LGR6: variants seen among roughly 807,000 people sequenced by gnomAD.
LGR6 encodes leucine-rich repeat-containing G protein-coupled receptor 6.
LGR6 carries 45 observed loss-of-function variants against 69.4 expected under a neutral mutation model. The observed-to-expected ratio is 0.65, with a 90% CI of 0.51 to 0.83. The LOEUF is 0.83. LGR6 is among the 40% of genes least tolerant of loss of function. The probability of loss-of-function intolerance (pLI) is 0.00; values close to 1 mark genes in which losing one functional copy is unlikely to be tolerated. For synonymous variants in LGR6, 538 were observed against 555.0 expected (o/e 0.97, Z 0.43); for missense variants, 1,108 against 1,246.7 (o/e 0.89, Z 1.68).
chr1:202,253,162 C>T (rs962806850), intron 4 of LGR6, among the ~76,000 whole-genome samples: 10 of 152,168 alleles, frequency 6.6e-5, no homozygotes, highest in African/African-American at 2.4e-4. Flanking sequence ...ACCAAATTGT[C>T]TGAACATTCT....
At chr1:202,308,934 T>C in intron 14 of LGR6, 117 bp from the exon 15 acceptor site, 2 of 1,263,900 alleles carry the variant, frequency 1.6e-6, no homozygotes, top group South Asian at 1.4e-5. Flanking sequence ...TTCTCTCCTG[T>C]CCTTTGCTCC....
intron 1 of LGR6, among the ~76,000 whole-genome samples, chr1:202,217,873 C>T (rs1221284604): frequency 6.6e-6 from 1 of 152,194 alleles, no homozygotes; most frequent in Non-Finnish European, 1.5e-5. Context: ...TGTGCAAAGC[C>T]AGAGAGAACA....
chr1:202,292,512 G>C (rs889735274), intron 6 of LGR6, among the ~76,000 whole-genome samples: 1 of 152,220 alleles, frequency 6.6e-6, no homozygotes, highest in African/African-American at 2.4e-5. Context: ...TTGGGAGCTT[G>C]CCACCTCCAG....
chr1:202,293,035 A>AT (rs1281422741), intron 6 of LGR6, among the ~76,000 whole-genome samples: 13 of 152,328 alleles, frequency 8.5e-5, no homozygotes, highest in Admixed American at 5.2e-4. Flanking sequence ...AATGGGTATA[A>AT]TAGCAGTAAC....
chr1:202,235,292 G>T (rs1661446803), intron 3 of LGR6, among the ~76,000 whole-genome samples: 1 of 152,188 alleles, frequency 6.6e-6, no homozygotes, highest in East Asian at 1.9e-4. Flanking sequence ...TTAGGTCCTG[G>T]TCCCCAGAGG....
At chr1:202,247,128 G>A (rs1303007955) in intron 4 of LGR6, among the ~76,000 whole-genome samples, 3 of 152,154 alleles carry the variant, frequency 2.0e-5, no homozygotes, top group Non-Finnish European at 4.4e-5. Context: ...TTCAGGGCTG[G>A]GGCCCAAGAA....
In LGR6 at chr1:202,193,981, A is replaced by G. The variant is rs1571796969; in HGVS notation, c.-9A>G. The G allele has an allele frequency of 2.9e-6, 4 of 1,361,814 alleles. No homozygotes were observed. In the African/African-American group the frequency reaches 4.6e-5, roughly 16 times the overall value. 84.4% of individuals were successfully genotyped at this position (1,361,814 alleles called of 1,614,324 possible). On this transcript the variant is annotated 5_prime_UTR_variant, in exon 1 of 18. Coordinates refer to ENST00000367278, the MANE Select transcript of LGR6 (RefSeq NM_001017403.2). ...GGCCGCCAGGTGCCCCAGTAGCCCG[A>G]CCGCCGAGATGCCCAGCCCGCCGGG...
chr1:202,252,869 A>C (rs1663386653), intron 4 of LGR6, among the ~76,000 whole-genome samples: 2 of 152,342 alleles, frequency 1.3e-5, no homozygotes, highest in African/African-American at 4.8e-5. Flanking sequence ...CAGAGGGAAG[A>C]AGGAAAGTAA....
chr1:202,225,724 C>A (rs1274297892), intron 2 of LGR6, among the ~76,000 whole-genome samples: 2 of 152,112 alleles, frequency 1.3e-5, no homozygotes, highest in African/African-American at 2.4e-5. Context: ...TCTTTGAAAC[C>A]AGCTCCTCTT....
intron 4 of LGR6, among the ~76,000 whole-genome samples, chr1:202,244,892 G>A (rs920998898): frequency 4.6e-5 from 7 of 152,214 alleles, no homozygotes; most frequent in African/African-American, 9.6e-5. Context: ...GTCACGAGCC[G>A]GCTGTGCCCA....
intron 17 of LGR6, 48 bp from the exon 18 acceptor site, chr1:202,317,904 G>A (rs1439121951): frequency 6.6e-7 from 1 of 1,525,138 alleles, no homozygotes; most frequent in East Asian, 2.3e-5. Flanking sequence ...CTGAAGACCT[G>A]GTCCCACCAT....
At position 202,318,568 on chromosome 1, in the gene LGR6, C is replaced by T; in HGVS notation, c.2265C>T (p.Tyr755=). Residue 755 remains tyrosine, a synonymous_variant, in exon 18 of 18, where the codon TAC becomes TAT. Coordinates refer to ENST00000367278, the MANE Select transcript of LGR6 (RefSeq NM_001017403.2). ...LVVAGAYIKL[Y]CDLPRGDFEA... is the part of the protein sequence containing the mutation. ...TGGCCGGTGCCTACATCAAACTGTA[C>T]TGTGACCTGCCGCGGGGCGACTTTG... 6.2e-7 allele frequency: 1 copy of T among 1,614,128 alleles called. No individual in the cohort carries two copies. The highest frequency in any genetic ancestry group is 8.5e-7 in the Non-Finnish European group (1 of 1,180,030).
At chr1:202,257,691 C>T (rs1356811899) in intron 4 of LGR6, among the ~76,000 whole-genome samples, 4 of 152,114 alleles carry the variant, frequency 2.6e-5, no homozygotes, top group African/African-American at 9.7e-5. Flanking sequence ...TCTATCCTTA[C>T]CATATAGGGC....
At chr1:202,257,367 C>G (rs1553247285) in intron 4 of LGR6, among the ~76,000 whole-genome samples, 1 of 152,098 alleles carries the variant, frequency 6.6e-6, no homozygotes, top group Non-Finnish European at 1.5e-5. Context: ...ATCTAAAAAA[C>G]CATTACCTAA....
intron 1 of LGR6, among the ~76,000 whole-genome samples, chr1:202,208,394 G>A (rs1558006616): frequency 4.6e-5 from 7 of 151,906 alleles, no homozygotes; most frequent in Non-Finnish European, 4.4e-5. Context: ...GAGAGAGAGA[G>A]GAGAAGGAGG....
rs531545046 is a variant in LGR6 at position 202,255,839 on chromosome 1, G to A, written c.428+19846G>A. Among the ~76,000 whole-genome samples the A allele has an allele frequency of 3.8e-4, 58 of 152,202 alleles. 2 individuals are homozygous for A. The South Asian group carries it at 1.0e-2, about 26-fold the overall frequency. ...GTTTATTGTCTCTTTAAAATTGTGCGAGTACATCACTAGTGTAAGACTTTT... is the reference window on the plus strand; with the variant it reads ...GTTTATTGTCTCTTTAAAATTGTGCAAGTACATCACTAGTGTAAGACTTTT... On this transcript the variant is annotated intron_variant, in intron 4 of 17. Transcript: ENST00000367278.
intron 4 of LGR6, among the ~76,000 whole-genome samples, chr1:202,246,473 A>G (rs1171567252): frequency 7.6e-6 from 1 of 130,968 alleles, no homozygotes; most frequent in Non-Finnish European, 1.6e-5. Context: ...CTGTCTGTCC[A>G]TCTGTTTGTT....
rs796488194 is a variant in LGR6 at position 202,294,481 on chromosome 1, TGTA to T, written c.717-3024_717-3022del. On this transcript the variant is annotated intron_variant, in intron 6 of 17. Transcript: ENST00000367278. The stretch of plus-strand genomic sequence containing the variant: ...CATCCCCTGGGCTCATTCATGAGGT[TGTA>T]GTCATCTGGACGCTCAACTAGGTCT... Among the ~76,000 whole-genome samples the T allele has an allele frequency of 5.3e-5, 8 of 152,322 alleles. No homozygotes were observed. The East Asian group carries it at 9.6e-4, about 18-fold the overall frequency.
chr1:202,232,362 T>C (rs1407618151), intron 3 of LGR6, among the ~76,000 whole-genome samples: 1 of 152,040 alleles, frequency 6.6e-6, no homozygotes, highest in African/African-American at 2.4e-5. Flanking sequence ...ATGCTTCACA[T>C]GTGTGAGGGG....
Sources: gnomAD v4.1 joint callset for allele counts (sites outside exome capture counted in the v4.1 genomes callset) on GRCh38, gnomAD v4.1.1 for gene constraint, MANE v1.5 for transcripts, NCBI Gene and HGNC (gene_info 2026-07-23, HGNC 2026-07-21) for gene names.